The following CAND2 variants were observed in gnomAD, a reference collection of about 807,000 sequenced individuals.
CAND2 encodes cullin associated and neddylation dissociated 2 (putative).
A neutral mutation model predicts 98.9 loss-of-function variants in CAND2; 62 were observed. That is an observed-to-expected ratio of 0.63 (90% CI 0.51 to 0.77). The LOEUF (loss-of-function observed/expected upper bound fraction) is 0.77. Ranked by LOEUF, CAND2 falls within the 30% of genes least tolerant of loss-of-function variation. The pLI, the probability that CAND2 is intolerant of heterozygous loss-of-function variation, is 0.00. For missense variants in CAND2, 1,501 were observed against 1,655.2 expected (o/e 0.91, Z 1.62); for synonymous variants, 770 against 731.9 (o/e 1.05, Z -0.84).
Position 12,816,716 on chromosome 3 carries a change from TG to T in CAND2, c.1787del (p.Gly596AlafsTer4). 1 of 1,613,674 alleles carries T rather than the reference TG, an allele frequency of 6.2e-7. No homozygotes were observed. Among genetic ancestry groups the T allele is most frequent in the Non-Finnish European group, 8.5e-7 (1 of 1,180,018 alleles). On this transcript the variant is annotated frameshift_variant, in exon 10 of 15. Coordinates refer to ENST00000456430, the MANE Select transcript of CAND2 (RefSeq NM_001162499.2). LOFTEE classifies it high-confidence loss of function. ...QEVKERAISC[M>X]GHLVGHLGDR... is the part of the protein sequence containing the mutation. ...GTGAAGGAGCGGGCCATTTCCTGCA[TG>T]GGCCACCTTGTAGGCCACCTGGGTG...
At chr3:12,801,433 G>A (rs9820977) in intron 1 of CAND2, among the ~76,000 whole-genome samples, 73,727 of 152,144 alleles carry the variant, frequency 0.48, 19,182 homozygotes, top group Non-Finnish European at 0.6. Flanking sequence ...CACAGCTGAG[G>A]GCTACTAGTT....
chr3:12,830,548 C>T (rs1334046378), intron 13 of CAND2, among the ~76,000 whole-genome samples: 1 of 152,232 alleles, frequency 6.6e-6, no homozygotes, highest in East Asian at 1.9e-4. Context: ...CATATCCTCT[C>T]ATGCCTGCCC....
chr3:12,811,222 G>T (rs1255776938), intron 5 of CAND2, among the ~76,000 whole-genome samples: 1 of 152,234 alleles, frequency 6.6e-6, no homozygotes, highest in Non-Finnish European at 1.5e-5. Flanking sequence ...ACCTAGGAAA[G>T]AGGCCTGCGC....
rs372664387 is a variant in CAND2 at position 12,815,440 on chromosome 3, G to A, written c.1299+7G>A. ...CCATATGCTACGTGGACAGGTGGGC[G>A]TGCCTTCACCTCCACCCCTACCCCC... On this transcript the variant is annotated splice_region_variant and intron_variant, in intron 8 of 14. Transcript: ENST00000456430. This position sits in a 1 kb window ranked among gnomAD's most constrained non-coding sequence, Gnocchi z 5.7. 14 of 1,602,100 alleles carry A rather than the reference G, an allele frequency of 8.7e-6. No homozygotes were observed. The highest frequency in any genetic ancestry group is 2.2e-5 in the East Asian group (1 of 44,590).
At position 12,816,593 on chromosome 3, in the gene CAND2, C is replaced by T. The variant is rs369765807; in HGVS notation, c.1661C>T (p.Pro554Leu). The T allele has an allele frequency of 1.3e-4, 217 of 1,613,740 alleles. No individual in the cohort carries two copies. Among genetic ancestry groups the T allele is most frequent in the Non-Finnish European group, 1.7e-4 (203 of 1,180,008 alleles). Residue 554 changes from proline to leucine, a missense_variant, in exon 10 of 15, where the codon CCG becomes CTG. Transcript: ENST00000456430. ...VLQELVRALW[P>L]LHRPRMLDPE... ...CAGGAGCTGGTGCGGGCCCTGTGGC[C>T]GCTGCACAGGCCTCGGATGCTGGAT...
chr3:12,802,103 G>A (rs1163959024), intron 1 of CAND2, among the ~76,000 whole-genome samples: 5 of 152,130 alleles, frequency 3.3e-5, no homozygotes, highest in Non-Finnish European at 7.4e-5. Context: ...CGAGGTGGGC[G>A]GATCACGAGG....
intron 12 of CAND2, among the ~76,000 whole-genome samples, chr3:12,826,328 C>T (rs567120396): frequency 2.8e-4 from 42 of 152,330 alleles, no homozygotes; most frequent in African/African-American, 8.4e-4. Context: ...GGAATACTAG[C>T]AGCATTGAGG....
rs183581869 is a variant in CAND2, at chr3:12,810,177, G to A, written c.610G>A (p.Ala204Thr). ...RAVGALGHLA[A>T]ACSTDLFVEL... ...GGTCGGAGCGCTTGGCCACCTGGCG[G>A]CCGCCTGCAGCACCGACCTCTTCGT... The change falls in exon 5 of 15, where the codon GCC (alanine) becomes ACC (threonine). Residue 204 changes from alanine (A) to threonine (T), a missense_variant. Ala to Thr is a moderately conservative substitution (Grantham distance 58). Around this residue, in one of 3 missense-constraint regions of CAND2, gnomAD observed 1,427 missense variants for 1,545.3 expected, o/e 0.92. Coordinates refer to ENST00000456430, the MANE Select transcript of CAND2 (RefSeq NM_001162499.2). 21,654 of 1,531,898 alleles carry A rather than the reference G, an allele frequency of 0.014. 179 individuals carry two copies. Among genetic ancestry groups the A allele is most frequent in the Middle Eastern group, 0.028 (155 of 5,480 alleles). 94.9% of individuals were successfully genotyped at this position (1,531,898 alleles called of 1,614,324 possible). A position where few individuals can be genotyped will look rare whatever the true frequency, so the allele number is the denominator to read the frequency against.
Position 12,817,417 on chromosome 3 carries a change from G to T in CAND2, c.2485G>T (p.Asp829Tyr). 6.2e-7 allele frequency: 1 copy of T among 1,613,748 alleles called. No homozygotes were observed. ...AAGCACAGCCAGTCGCCTGGTCTGC[G>T]ATGCCAGGTCGCCCCACTCCAGCAC... is the stretch of plus-strand genomic sequence containing the variant. ...AASTASRLVC[D>Y]ARSPHSSTGV... Residue 829 changes from aspartate (D) to tyrosine (Y), a missense_variant, in exon 10 of 15, where the codon GAT (aspartate) becomes TAT (tyrosine). By Grantham distance (160) the Asp-to-Tyr change is radical (BLOSUM62 -3). Coordinates refer to ENST00000456430, the MANE Select transcript of CAND2 (RefSeq NM_001162499.2).
intron 1 of CAND2, among the ~76,000 whole-genome samples, chr3:12,798,619 A>G (rs112670266): frequency 0.038 from 5,787 of 152,232 alleles, 150 homozygotes; most frequent in Non-Finnish European, 0.059. Flanking sequence ...AGAGCTGGCT[A>G]GTGGCCTAGG....
At chr3:12,814,911 G>A (rs372991308) in intron 7 of CAND2, among the ~76,000 whole-genome samples, 57 of 152,112 alleles carry the variant, frequency 3.7e-4, no homozygotes, top group Admixed American at 3.7e-3. Context: ...TCAAAAGGTC[G>A]TCATGAAGCT....
intron 12 of CAND2, among the ~76,000 whole-genome samples, chr3:12,827,000 T>C (rs1441083241): frequency 2.6e-5 from 4 of 151,942 alleles, no homozygotes; most frequent in Non-Finnish European, 5.9e-5. Flanking sequence ...CCGGCTAATT[T>C]TTTTGTATTT....
At chr3:12,814,156 T>G (rs1490585779) in intron 7 of CAND2, among the ~76,000 whole-genome samples, 1 of 152,198 alleles carries the variant, frequency 6.6e-6, no homozygotes, top group African/African-American at 2.4e-5. Flanking sequence ...TTAGAGGGGA[T>G]GGCTGCTGAG....
intron 1 of CAND2, among the ~76,000 whole-genome samples, chr3:12,802,240 T>G (rs891988150): frequency 6.6e-6 from 1 of 152,222 alleles, no homozygotes; most frequent in South Asian, 2.1e-4. Context: ...GGCAGGAGAA[T>G]GGTGTGAACC....
rs2061944139 is a variant in CAND2 at position 12,820,080 on chromosome 3, C to T, written c.2945-6C>T. 6 of 1,613,370 alleles carry T rather than the reference C, an allele frequency of 3.7e-6. No homozygotes were observed. The South Asian group carries it at 6.6e-5, about 18-fold the overall frequency. The stretch of plus-strand genomic sequence containing the variant: ...CCTCACTAACTCACCTCTTCTTGTC[C>T]TGCAGGTCGGCCACACACCCGGAGC... On this transcript the variant is annotated splice_region_variant and splice_polypyrimidine_tract_variant and intron_variant, in intron 10 of 14. Coordinates refer to ENST00000456430, the MANE Select transcript of CAND2 (RefSeq NM_001162499.2).
At chr3:12,811,451 C>T (rs1231418666) in intron 5 of CAND2, among the ~76,000 whole-genome samples, 1 of 152,226 alleles carries the variant, frequency 6.6e-6, no homozygotes, top group Non-Finnish European at 1.5e-5. Context: ...CAGTACCTGC[C>T]TCCCTTTCTC....
At position 12,816,590 on chromosome 3, in the gene CAND2, G is replaced by A. The variant is rs765658921; in HGVS notation, c.1658G>A (p.Trp553Ter). The change falls in exon 10 of 15, where the codon TGG (tryptophan) becomes TAG (stop). Residue 553 changes from tryptophan (W) to a stop codon, truncating the protein, a stop_gained. Coordinates refer to ENST00000456430, the MANE Select transcript of CAND2 (RefSeq NM_001162499.2). LOFTEE classifies it high-confidence loss of function. ...CTGCAGGAGCTGGTGCGGGCCCTGT[G>A]GCCGCTGCACAGGCCTCGGATGCTG... ...VVLQELVRAL[W>*]PLHRPRMLDP... is the part of the protein sequence containing the mutation. 1.2e-6 allele frequency: 2 copies of A among 1,613,906 alleles called. No individual in the cohort carries two copies. Among genetic ancestry groups the A allele is most frequent in the Non-Finnish European group, 1.7e-6 (2 of 1,180,022 alleles).
intron 5 of CAND2, among the ~76,000 whole-genome samples, chr3:12,810,631 GGGTT>G (rs1003684246): frequency 1.3e-5 from 2 of 152,230 alleles, no homozygotes; most frequent in Non-Finnish European, 2.9e-5. Context: ...TCAGAGAAGG[GGGTT>G]GGTTCAATCA....
chr3:12,818,298 A>C (rs1364854103), intron 10 of CAND2, among the ~76,000 whole-genome samples: 1 of 152,106 alleles, frequency 6.6e-6, no homozygotes, highest in Non-Finnish European at 1.5e-5. Flanking sequence ...TCATGATGCC[A>C]ACTTCATAAT....
Sources: allele counts gnomAD v4.1 joint callset (sites outside exome capture counted in the v4.1 genomes callset), GRCh38; gene constraint gnomAD v4.1.1; regional missense constraint gnomAD v4.1.1; non-coding constraint Gnocchi (gnomAD v3.1); transcripts MANE v1.5; gene names NCBI Gene and HGNC (gene_info 2026-07-23, HGNC 2026-07-21).